Variants in FAM161A observed in about 807,000 individuals in gnomAD.
FAM161A encodes the protein FAM161 centrosomal protein A, also known as protein FAM161A.
A neutral mutation model predicts 70.9 loss-of-function variants in FAM161A; 57 were observed. That is an observed-to-expected ratio of 0.80 (90% confidence interval 0.65 to 1.00). FAM161A has a LOEUF of 1.00. FAM161A is among the 50% of genes least tolerant of loss of function. FAM161A has a pLI of 0.00. For missense variants in FAM161A, 880 were observed against 836.0 expected (o/e 1.05, Z -0.65); for synonymous variants, 299 against 295.7 (o/e 1.01, Z -0.12).
At chr2:61,812,056 A>G in the FAM161A span, among the ~76,000 whole-genome samples, 1 of 152,092 alleles carries the variant, frequency 6.6e-6, no homozygotes, top group Non-Finnish European at 1.5e-5. Context: ...TCCCCCAGTC[A>G]TCCACAGAAT....
chr2:61,817,685 G>A, the FAM161A span, among the ~76,000 whole-genome samples: 1 of 152,150 alleles, frequency 6.6e-6, no homozygotes, highest in Non-Finnish European at 1.5e-5. Flanking sequence ...AAGAAACATA[G>A]GCCAGGTGCG....
rs1307053532 is a variant in FAM161A at position 61,837,805 on chromosome 2, A to G, written c.1751+733T>C. 1.3e-5 allele frequency among the ~76,000 whole-genome samples: 2 copies of G among 152,206 alleles called. 1 individual carries two copies. The highest frequency in any genetic ancestry group is 4.8e-5 in the African/African-American group (2 of 41,456). The stretch of plus-strand genomic sequence containing the variant: ...AAGGGTAAGTAATCTATTTCTAAGA[A>G]ACATTATGCTCACGTTCATCAAATT... On this transcript the variant is annotated intron_variant, in intron 4 of 6. Transcript: ENST00000404929.
At position 61,825,763 on chromosome 2, in the gene FAM161A, A is replaced by C; in HGVS notation, c.*692T>G. The C allele has an allele frequency of 2.4e-6, 1 of 412,038 alleles. No individual in the cohort carries two copies. The highest frequency in any genetic ancestry group is 4.7e-6 in the Non-Finnish European group (1 of 211,202). 25.5% of individuals were successfully genotyped at this position (412,038 alleles called of 1,614,324 possible). On this transcript the variant is annotated 3_prime_UTR_variant, in exon 7 of 7. Coordinates refer to ENST00000404929, the MANE Select transcript of FAM161A (RefSeq NM_001201543.2). Reference sequence around the variant, plus strand: ...TGCCATTCTCCTGCCTCTGCCTCCCAAGTAGCTGGGACTACAGGCGCCCAC... The same window carrying C: ...TGCCATTCTCCTGCCTCTGCCTCCCCAGTAGCTGGGACTACAGGCGCCCAC...
In FAM161A at chr2:61,825,653, T is replaced by C. The variant is rs541819550; in HGVS notation, c.*802A>G. On this transcript the variant is annotated 3_prime_UTR_variant, in exon 7 of 7. Transcript: ENST00000404929. Reference sequence around the variant, plus strand: ...TTTTTTCTATACTTTTTTTTTTTTTTTGGAGACGGAGTCTCGCTCTGTTGC... The same window carrying C: ...TTTTTTCTATACTTTTTTTTTTTTTCTGGAGACGGAGTCTCGCTCTGTTGC... The C allele has an allele frequency of 1.3e-3, 549 of 428,192 alleles. 1 individual carries two copies. The highest frequency in any genetic ancestry group is 7.2e-3 in the South Asian group (417 of 58,142). The allele number at this position is 428,192 out of a possible 1,614,324, so 26.5% of individuals were successfully genotyped here. A position where few individuals can be genotyped will look rare whatever the true frequency, so the allele number is the denominator to read the frequency against.
In FAM161A at chr2:61,838,636, T is replaced by C; in HGVS notation, c.1653A>G (p.Arg551=). Residue 551 remains arginine (R), a synonymous_variant, in exon 4 of 7, where the codon AGA becomes AGG. Coordinates refer to ENST00000404929, the MANE Select transcript of FAM161A (RefSeq NM_001201543.2). ...RNRILTKQKQ[R]MKELQKLLTT... ...TCAGGAGTTTCTGCAATTCTTTCATTCTTTGCTTCTGTTTAGTTAGGATCC... is the reference window on the plus strand; with the variant it reads ...TCAGGAGTTTCTGCAATTCTTTCATCCTTTGCTTCTGTTTAGTTAGGATCC... The C allele has an allele frequency of 6.2e-7, 1 of 1,612,122 alleles. No homozygotes were observed. Among genetic ancestry groups the C allele is most frequent in the Non-Finnish European group, 8.5e-7 (1 of 1,179,528 alleles).
downstream of FAM161A, among the ~76,000 whole-genome samples, chr2:61,820,933 A>G (rs1341632369): frequency 6.6e-6 from 1 of 152,246 alleles, no homozygotes; most frequent in African/African-American, 2.4e-5. Flanking sequence ...AAAAGAATGA[A>G]GTCTCTCTTC....
In FAM161A at chr2:61,846,797, G is replaced by T; in HGVS notation, c.184-4437C>A. On this transcript the variant is annotated intron_variant, in intron 1 of 6. Coordinates refer to ENST00000404929, the MANE Select transcript of FAM161A (RefSeq NM_001201543.2). ...CCCTCTGACTGCTTCCTGTCGGCTTGTGTCAGTCTAGCAACGGTTATTCAT... is the reference window on the plus strand; with the variant it reads ...CCCTCTGACTGCTTCCTGTCGGCTTTTGTCAGTCTAGCAACGGTTATTCAT... The T allele has an allele frequency of 1.4e-5, 5 of 366,450 alleles. No individual in the cohort carries two copies. In the Middle Eastern group the frequency reaches 2.0e-3, roughly 146 times the overall value. 22.7% of individuals were successfully genotyped at this position (366,450 alleles called of 1,614,324 possible). A position where few individuals can be genotyped will look rare whatever the true frequency, so the allele number is the denominator to read the frequency against.
intron 1 of FAM161A, among the ~76,000 whole-genome samples, chr2:61,848,091 T>A (rs1673294816): frequency 6.6e-6 from 1 of 152,160 alleles, no homozygotes; most frequent in Non-Finnish European, 1.5e-5. Context: ...AGCAAAAGAA[T>A]CTATGCGCTC....
chr2:61,840,225 G>A lies in FAM161A; in HGVS notation c.779C>T (p.Ser260Leu), dbSNP rs1287194058. 1 of 1,613,634 alleles carries A rather than the reference G, an allele frequency of 6.2e-7. No individual in the cohort carries two copies. Among genetic ancestry groups the A allele is most frequent in the Non-Finnish European group, 8.5e-7 (1 of 1,179,904 alleles). ...CGCTTTATGTACCATTTCGATATCT[G>A]ATTTAGATTTCATGGACTCTTCTTT... ...KKKEESMKSK[S>L]DIEMVHKALK... The change falls in exon 3 of 7, where the codon TCA becomes TTA. Residue 260 changes from serine (S) to leucine (L), a missense_variant. Physicochemically the swap from Ser to Leu is moderately radical, Grantham distance 145. Transcript: ENST00000404929.
At chr2:61,847,374 T>A (rs1673260512) in intron 1 of FAM161A, among the ~76,000 whole-genome samples, 1 of 152,182 alleles carries the variant, frequency 6.6e-6, no homozygotes, top group African/African-American at 2.4e-5. Context: ...AGCCCCCTTG[T>A]CTGTCTTATT....
At chr2:61,803,278 T>C in the FAM161A span, 1 of 625,810 alleles carries the variant, frequency 1.6e-6, no homozygotes, top group Non-Finnish European at 3.0e-6. Context: ...TGGTGGTGGC[T>C]TTGGCATGAT....
In FAM161A at chr2:61,854,052, C is replaced by T; in HGVS notation, c.-11G>A. ...GTGGGAGGTGGCCATCGCCCCGCCTCCGAGGCCTGAGCGCCTGCGCTGGCC... is the reference window on the plus strand; with the variant it reads ...GTGGGAGGTGGCCATCGCCCCGCCTTCGAGGCCTGAGCGCCTGCGCTGGCC... On this transcript the variant is annotated 5_prime_UTR_variant, in exon 1 of 7. Coordinates refer to ENST00000404929, the MANE Select transcript of FAM161A (RefSeq NM_001201543.2). 1 of 1,597,448 alleles carries T rather than the reference C, an allele frequency of 6.3e-7. No homozygotes were observed. Among genetic ancestry groups the T allele is most frequent in the East Asian group, 2.3e-5 (1 of 44,040 alleles).
chr2:61,810,619 C>T, the FAM161A span, among the ~76,000 whole-genome samples: 30 of 151,740 alleles, frequency 2.0e-4, no homozygotes, highest in African/African-American at 6.0e-4. Context: ...TCACCACACC[C>T]GGCTAATTTT....
chr2:61,805,094 A>G, the FAM161A span, among the ~76,000 whole-genome samples: 5 of 152,190 alleles, frequency 3.3e-5, no homozygotes, highest in South Asian at 4.1e-4. Context: ...AAATTTTTAG[A>G]CAAACCTTTT....
the FAM161A span, among the ~76,000 whole-genome samples, chr2:61,801,924 T>G: frequency 6.6e-6 from 1 of 152,020 alleles, no homozygotes; most frequent in African/African-American, 2.4e-5. Context: ...GTAATACAAC[T>G]TTAAAAAACA....
At position 61,830,757 on chromosome 2, in the gene FAM161A, C is replaced by G. The variant is rs560827834; in HGVS notation, c.1852-3499G>C. Among the ~76,000 whole-genome samples the G allele has an allele frequency of 1.4e-4, 21 of 151,610 alleles. No homozygotes were observed. The Middle Eastern group carries it at 0.01, about 75-fold the overall frequency. On this transcript the variant is annotated intron_variant, in intron 5 of 6. Transcript: ENST00000404929. The stretch of plus-strand genomic sequence containing the variant: ...TCTTGGCCTCAAATGATCCTCCCCC[C>G]CTCAGTTTCCCAAAGTGTTGGGATT...
chr2:61,805,248 GT>G, the FAM161A span, among the ~76,000 whole-genome samples: 5 of 152,160 alleles, frequency 3.3e-5, no homozygotes, highest in Non-Finnish European at 7.4e-5. Flanking sequence ...GACTTTGCCT[GT>G]AACCTCTGCC....
chr2:61,816,651 C>T, the FAM161A span, among the ~76,000 whole-genome samples: 13 of 151,802 alleles, frequency 8.6e-5, no homozygotes, highest in African/African-American at 2.4e-4. Context: ...GTAGAGACGG[C>T]GGGGCGGGGG....
At chr2:61,836,556 T>C (rs191992432) in intron 4 of FAM161A, 300 of 156,604 alleles carry the variant, frequency 1.9e-3, no homozygotes, top group Non-Finnish European at 2.9e-3. Context: ...TATTTTTTAT[T>C]ATTATTTTAT....
Sources: allele counts gnomAD v4.1 joint callset (sites outside exome capture counted in the v4.1 genomes callset), GRCh38; gene constraint gnomAD v4.1.1; transcripts MANE v1.5; gene names NCBI Gene and HGNC (gene_info 2026-07-23, HGNC 2026-07-21).